ADARB2: variants seen among roughly 807,000 people sequenced by gnomAD.
ADARB2 encodes adenosine deaminase RNA specific B2 (inactive).
Under a neutral mutation model 62.2 loss-of-function variants are expected in ADARB2, and 25 were observed. The observed-to-expected ratio is 0.40, with a 90% CI of 0.29 to 0.56. The LOEUF (loss-of-function observed/expected upper bound fraction) is 0.56, where lower values mean the gene tolerates loss of function less well. ADARB2 is among the 20% of genes least tolerant of loss of function. ADARB2 has a pLI of 0.43. For synonymous variants in ADARB2, 572 were observed against 500.8 expected (o/e 1.14, Z -1.90); for missense variants, 1,071 against 1,077.4 (o/e 0.99, Z 0.08).
At chr10:1,510,014 TTCTTTCTTTTTTC>T (rs1262412413) in intron 1 of ADARB2, among the ~76,000 whole-genome samples, 1 of 150,032 alleles carries the variant, frequency 6.7e-6, no homozygotes, top group Non-Finnish European at 1.5e-5. Context: ...CTTTTCTTTC[TTCTTTCTTTTTTC>T]TCTTTCTTTC....
chr10:1,306,005 G>A (rs1831623798), intron 3 of ADARB2, among the ~76,000 whole-genome samples: 1 of 152,186 alleles, frequency 6.6e-6, no homozygotes, highest in Admixed American at 6.5e-5. Flanking sequence ...GACAGTGAGA[G>A]GGATGCCCTA....
At chr10:1,544,920 GTC>G (rs1195912808) in intron 1 of ADARB2, among the ~76,000 whole-genome samples, 2 of 109,008 alleles carry the variant, frequency 1.8e-5, no homozygotes, top group South Asian at 6.1e-4. Flanking sequence ...ATTAGGTAAA[GTC>G]TATATAATAT....
At chr10:1,723,549 C>A (rs939444089) in intron 1 of ADARB2, among the ~76,000 whole-genome samples, 1 of 152,178 alleles carries the variant, frequency 6.6e-6, no homozygotes, top group Non-Finnish European at 1.5e-5. Context: ...CTTTTTACCT[C>A]CCCATAAGAG....
At chr10:1,524,732 T>A (rs1294369214) in intron 1 of ADARB2, among the ~76,000 whole-genome samples, 1 of 151,840 alleles carries the variant, frequency 6.6e-6, no homozygotes, top group Non-Finnish European at 1.5e-5. Context: ...AGGGTCAGAG[T>A]GCACACGCGC....
rs555634932 is a variant in ADARB2 at position 1,336,496 on chromosome 10, TAC to T, written c.1077+26530_1077+26531del. ...CTCATATTTAGGAAATGAACATCCT[TAC>T]AGTTAGGCAGATCATCCTGTATTAT... is the stretch of plus-strand genomic sequence containing the variant. On this transcript the variant is annotated intron_variant, in intron 3 of 9. Transcript: ENST00000381312. 1.6e-4 allele frequency among the ~76,000 whole-genome samples: 24 copies of T among 152,348 alleles called. No individual in the cohort carries two copies. In the East Asian group the frequency reaches 4.4e-3, roughly 28 times the overall value.
intron 8 of ADARB2, among the ~76,000 whole-genome samples, chr10:1,193,694 G>A (rs544325708): frequency 2.6e-5 from 4 of 152,220 alleles, no homozygotes; most frequent in South Asian, 4.2e-4. Flanking sequence ...TCTCACCTTC[G>A]TTTTTGAAGG....
At chr10:1,658,228 TTCTC>T (rs924397807) in intron 1 of ADARB2, among the ~76,000 whole-genome samples, 30 of 151,400 alleles carry the variant, frequency 2.0e-4, no homozygotes, top group African/African-American at 7.3e-4. Context: ...CTCTATCTGA[TTCTC>T]TCTCTCTCTG....
chr10:1,469,261 C>T (rs768080607), intron 1 of ADARB2, among the ~76,000 whole-genome samples: 18 of 152,232 alleles, frequency 1.2e-4, no homozygotes, highest in Admixed American at 7.8e-4. Context: ...GGTCTGCGCA[C>T]GGCTCCGGGA....
At chr10:1,496,305 GTAT>G (rs1831690539) in intron 1 of ADARB2, among the ~76,000 whole-genome samples, 2 of 107,556 alleles carry the variant, frequency 1.9e-5, no homozygotes, top group Non-Finnish European at 4.7e-5. Flanking sequence ...ACCATCATCA[GTAT>G]CAACATCATC....
At chr10:1,209,386 CACCCACACCCACACTATCACCTACA>C (rs1837113631) in intron 7 of ADARB2, among the ~76,000 whole-genome samples, 3 of 120,604 alleles carry the variant, frequency 2.5e-5, no homozygotes, top group East Asian at 2.8e-4. Flanking sequence ...CCTACAGCCT[CACCCACACCCACACTATCACCTACA>C]GCAACACCGT....
At chr10:1,715,236 C>A (rs573375658) in intron 1 of ADARB2, among the ~76,000 whole-genome samples, 1 of 151,986 alleles carries the variant, frequency 6.6e-6, no homozygotes, top group South Asian at 2.1e-4. Context: ...GCATTTCATT[C>A]GATGCTCAGT....
intron 3 of ADARB2, among the ~76,000 whole-genome samples, chr10:1,343,203 G>A (rs1833996958): frequency 6.6e-6 from 1 of 152,104 alleles, no homozygotes; most frequent in South Asian, 2.1e-4. Context: ...AGTGGGCAAA[G>A]GACATGCACA....
chr10:1,377,356 T>TTGTG, intron 2 of ADARB2, among the ~76,000 whole-genome samples: 1 of 88,436 alleles, frequency 1.1e-5, no homozygotes, highest in Middle Eastern at 0.011. Flanking sequence ...GTGTGTGTGT[T>TTGTG]TGTGCTCCTG....
intron 1 of ADARB2, among the ~76,000 whole-genome samples, chr10:1,439,517 C>T (rs1830876753): frequency 8.8e-6 from 1 of 113,396 alleles, no homozygotes; most frequent in African/African-American, 3.1e-5. Context: ...GGAGGCAGGC[C>T]CTTCACGATG....
chr10:1,542,817 G>C lies in ADARB2; in HGVS notation c.101-163657C>G, dbSNP rs1378252425. Among the ~76,000 whole-genome samples, 266 of 113,662 alleles carry C rather than the reference G, an allele frequency of 2.3e-3. 1 individual carries two copies. Among genetic ancestry groups the C allele is most frequent in the African/African-American group, 8.5e-3 (255 of 30,038 alleles). The allele number at this position is 113,662 out of a possible 152,430, so 74.6% of individuals were successfully genotyped here. On this transcript the variant is annotated intron_variant, in intron 1 of 9. Coordinates refer to ENST00000381312, the MANE Select transcript of ADARB2 (RefSeq NM_018702.4). ...ATCACAGCCGCCCAGACCCCACTCA[G>C]ACGCAGTTCAGACCCTGGATCACAG... is the stretch of plus-strand genomic sequence containing the variant.
intron 1 of ADARB2, among the ~76,000 whole-genome samples, chr10:1,381,611 G>A (rs1328415484): frequency 1.3e-5 from 2 of 152,204 alleles, no homozygotes; most frequent in African/African-American, 4.8e-5. Flanking sequence ...CAGTGGATGA[G>A]TGGATAAGTG....
intron 7 of ADARB2, among the ~76,000 whole-genome samples, chr10:1,214,323 C>T (rs1046291845): frequency 1.1e-4 from 16 of 147,148 alleles, no homozygotes; most frequent in African/African-American, 3.5e-4. Context: ...CCCAGCGTCA[C>T]GTGGGTTTGC....
At chr10:1,318,168 G>A (rs1831757834) in intron 3 of ADARB2, among the ~76,000 whole-genome samples, 1 of 152,134 alleles carries the variant, frequency 6.6e-6, no homozygotes, top group African/African-American at 2.4e-5. Flanking sequence ...CTTATTATTA[G>A]TTTCACAGTA....
intron 3 of ADARB2, among the ~76,000 whole-genome samples, chr10:1,310,351 G>T (rs1227791236): frequency 6.6e-6 from 1 of 150,660 alleles, no homozygotes; most frequent in Non-Finnish European, 1.5e-5. Flanking sequence ...CTACGAAGAT[G>T]TTGGAATCAA....
Sources: allele counts gnomAD v4.1 joint callset (sites outside exome capture counted in the v4.1 genomes callset), GRCh38; gene constraint gnomAD v4.1.1; transcripts MANE v1.5; gene names NCBI Gene and HGNC (gene_info 2026-07-23, HGNC 2026-07-21).